The following FAM9B variants were observed in gnomAD, a reference collection of about 807,000 sequenced individuals.
The protein encoded by FAM9B is family with sequence similarity 9 member B.
In FAM9B, 18 loss-of-function variants were observed where a neutral mutation model predicts 16.6. The ratio of observed to expected loss-of-function variants is 1.09; its 90% confidence interval spans 0.75 to 1.61. The LOEUF is 1.61. FAM9B is among the 40% of genes most tolerant of loss of function. The pLI is 0.00. For missense variants in FAM9B, 155 were observed against 136.0 expected (o/e 1.14, Z -0.70); for synonymous variants, 43 against 42.6 (o/e 1.01, Z -0.03).
chrX:9,028,062 T>G lies in FAM9B; in HGVS notation c.394-96A>C. On this transcript the variant is annotated intron_variant, in intron 6 of 8. Transcript: ENST00000327220. ...TAGCTTTAAAGGAATACTGTTTAAATCAATACCTCTGAACACTTTCTTTTA... is the reference window on the plus strand; with the variant it reads ...TAGCTTTAAAGGAATACTGTTTAAAGCAATACCTCTGAACACTTTCTTTTA... The G allele has an allele frequency of 6.9e-6, 4 of 581,894 alleles. No homozygotes were observed. In the South Asian group the frequency reaches 1.1e-4, roughly 16 times the overall value. The allele number at this position is 581,894 out of a possible 1,213,427, so 48.0% of individuals were successfully genotyped here.
At position 9,032,473 on chromosome X, in the gene FAM9B, T is replaced by A. The variant is rs371784822; in HGVS notation, c.29-12A>T. The stretch of plus-strand genomic sequence containing the variant: ...GACTGGATCCTTTCCTGCATTAAAA[T>A]GTAAAAGACAAACCTTTTTTAGAGG... On this transcript the variant is annotated splice_polypyrimidine_tract_variant and intron_variant, in intron 2 of 8. Coordinates refer to ENST00000327220, the MANE Select transcript of FAM9B (RefSeq NM_205849.3). 1.2e-5 allele frequency: 14 copies of A among 1,149,950 alleles called. No homozygotes were observed. The highest frequency in any genetic ancestry group is 2.4e-4 in the Middle Eastern group (1 of 4,100). The allele number at this position is 1,149,950 out of a possible 1,213,427, so 94.8% of individuals were successfully genotyped here. A position where few individuals can be genotyped will look rare whatever the true frequency, so the allele number is the denominator to read the frequency against.
chrX:9,029,297 T>G lies in FAM9B; in HGVS notation c.393+10A>C. On this transcript the variant is annotated intron_variant, in intron 6 of 8. Transcript: ENST00000327220. ...AACAGGTTATACATAAAGCTAAGCA[T>G]GATACCAACAATTAGTTCTTCCTCT... 6.1e-6 allele frequency: 7 copies of G among 1,150,178 alleles called. No individual in the cohort carries two copies. Among genetic ancestry groups the G allele is most frequent in the Non-Finnish European group, 8.3e-6 (7 of 841,159 alleles). The allele number at this position is 1,150,178 out of a possible 1,213,427, so 94.8% of individuals were successfully genotyped here.
chrX:9,025,681 T>A, intron 7 of FAM9B, 98 bp from the exon 8 acceptor site: 2 of 607,621 alleles, frequency 3.3e-6, no homozygotes, highest in Non-Finnish European at 5.2e-6. Flanking sequence ...CTTTTAATAT[T>A]CAAAGGATGC....
chrX:9,024,332 G>A lies in FAM9B; in HGVS notation c.*1077C>T, dbSNP rs961842864. 9.0e-6 allele frequency: 1 copy of A among 111,678 alleles called. No individual in the cohort carries two copies. The highest frequency in any genetic ancestry group is 1.9e-5 in the Non-Finnish European group (1 of 53,180). 9.2% of individuals were successfully genotyped at this position (111,678 alleles called of 1,213,427 possible). A position where few individuals can be genotyped will look rare whatever the true frequency, so the allele number is the denominator to read the frequency against. On this transcript the variant is annotated 3_prime_UTR_variant, in exon 9 of 9. Coordinates refer to ENST00000327220, the MANE Select transcript of FAM9B (RefSeq NM_205849.3). Reference sequence around the variant, plus strand: ...CTACAAAATTTACCTTGCCACAGATGTGAAATAATTGTAAGCATACATAAA... The same window carrying A: ...CTACAAAATTTACCTTGCCACAGATATGAAATAATTGTAAGCATACATAAA...
intron 1 of FAM9B, 171 bp downstream of exon 1, chrX:9,033,681 G>GGCCCCCCCCC: frequency 6.8e-6 from 1 of 147,911 alleles, no homozygotes; most frequent in Non-Finnish European, 1.1e-5. Flanking sequence ...CCCTGCCCTG[G>GGCCCCCCCCC]CCCACCCCAG....
At chrX:9,030,214 A>G (rs371012304) in intron 5 of FAM9B, 47 bp downstream of exon 5, 2 of 1,168,373 alleles carry the variant, frequency 1.7e-6, no homozygotes, top group Non-Finnish European at 2.3e-6. Context: ...CAACTAATAC[A>G]AAGAAATGAT....
chrX:9,025,518 G>A lies in FAM9B; in HGVS notation c.558C>T (p.Asn186=). 8.3e-7 allele frequency: 1 copy of A among 1,199,657 alleles called. No homozygotes were observed. The highest frequency in any genetic ancestry group is 1.7e-5 in the African/African-American group (1 of 57,530). ...ATGATTTTATTTAAAAACATGTCTA[G>A]TTATCAAGTTCACTGTCTTCATCGG... The part of the protein sequence containing the change: ...VFSDEDSELD[N] The change falls in exon 8 of 9, where the codon AAC becomes AAT. Residue 186 remains asparagine, a synonymous_variant. Coordinates refer to ENST00000327220, the MANE Select transcript of FAM9B (RefSeq NM_205849.3).
chrX:9,033,133 G>A, intron 1 of FAM9B, 58 bp from the exon 2 acceptor site: 1 of 1,176,738 alleles, frequency 8.5e-7, no homozygotes, highest in South Asian at 1.9e-5. Flanking sequence ...GGAAAGGAAA[G>A]CCATTGGGAT....
At chrX:9,026,193 A>G (rs747014737) in intron 7 of FAM9B, among the ~76,000 whole-genome samples, 1 of 112,362 alleles carries the variant, frequency 8.9e-6, no homozygotes, top group South Asian at 3.7e-4. Flanking sequence ...AACTTGTGTA[A>G]CTGCTATGGA....
At position 9,027,921 on chromosome X, in the gene FAM9B, C is replaced by A; in HGVS notation, c.439G>T (p.Val147Phe). 8.3e-7 allele frequency: 1 copy of A among 1,210,761 alleles called. No individual in the cohort carries two copies. Among genetic ancestry groups the A allele is most frequent in the African/African-American group, 1.7e-5 (1 of 57,800 alleles). ...ATCTCTTTCAGCCTCTCTCTCCTAA[C>A]ACTTCTATATTGTTGCCACTTCTTC... ...QQKKWQQYRSVRRERLKEMKL... is the reference protein window; with the variant it reads ...QQKKWQQYRSFRRERLKEMKL... Residue 147 changes from valine to phenylalanine, a missense_variant, in exon 7 of 9, where the codon GTT becomes TTT. Val to Phe is a conservative substitution (Grantham distance 50). Coordinates refer to ENST00000327220, the MANE Select transcript of FAM9B (RefSeq NM_205849.3).
rs186660451 is a variant in FAM9B at position 9,030,260 on chromosome X, C to T, written c.281+1G>A. 2.8e-5 allele frequency: 33 copies of T among 1,192,019 alleles called. No homozygotes were observed. In the Admixed American group the frequency reaches 5.8e-4, roughly 21 times the overall value. On this transcript the variant is annotated splice_donor_variant, in intron 5 of 8. Coordinates refer to ENST00000327220, the MANE Select transcript of FAM9B (RefSeq NM_205849.3). LOFTEE classifies it high-confidence loss of function. ...TTATGCAAAAAAGCCAACAGTCATA[C>T]CTTTTAAGTTGCTTTTTTCTCAAAG...
intron 2 of FAM9B, 96 bp from the exon 3 acceptor site, chrX:9,032,557 G>GT: frequency 3.4e-6 from 2 of 594,002 alleles, no homozygotes; most frequent in South Asian, 2.8e-5. Flanking sequence ...CTTTTTTGGG[G>GT]GGGGGGGGCT....
chrX:9,032,210 C>G (rs1410596534), intron 3 of FAM9B, 49 bp from the exon 4 acceptor site: 1 of 1,192,617 alleles, frequency 8.4e-7, no homozygotes, highest in East Asian at 3.0e-5. Context: ...ACACAAAATG[C>G]CATGTTTGTT....
intron 4 of FAM9B, 119 bp downstream of exon 4, chrX:9,032,011 T>C (rs1302709568): frequency 1.8e-6 from 1 of 569,312 alleles, no homozygotes; most frequent in African/African-American, 2.3e-5. Flanking sequence ...GTACGTTAAA[T>C]GCTACATATG....
chrX:9,029,476 T>G, intron 5 of FAM9B, 58 bp from the exon 6 acceptor site: 2 of 784,582 alleles, frequency 2.5e-6, no homozygotes, highest in East Asian at 6.5e-5. Flanking sequence ...AAATTAATCC[T>G]ATTCAAACCC....
chrX:9,028,250 C>A (rs893423637), intron 6 of FAM9B, among the ~76,000 whole-genome samples: 4 of 111,901 alleles, frequency 3.6e-5, no homozygotes, highest in Non-Finnish European at 7.5e-5. Flanking sequence ...ATTTGATGAA[C>A]CTTCCTATAA....
intron 4 of FAM9B, 129 bp downstream of exon 4, chrX:9,032,001 G>A (rs748000784): frequency 6.0e-6 from 3 of 504,017 alleles, no homozygotes; most frequent in African/African-American, 4.8e-5. Context: ...CATTAAATAC[G>A]TACGTTAAAT....
chrX:9,025,701 A>G, intron 7 of FAM9B, 118 bp from the exon 8 acceptor site: 1 of 526,817 alleles, frequency 1.9e-6, no homozygotes, highest in East Asian at 3.6e-5. Context: ...CCAGTTATTC[A>G]TTTCAAATAG....
Position 9,025,477 on chromosome X carries a change from T to C in FAM9B, c.*31+7A>G. On this transcript the variant is annotated splice_region_variant and intron_variant, in intron 8 of 8. Coordinates refer to ENST00000327220, the MANE Select transcript of FAM9B (RefSeq NM_205849.3). The stretch of plus-strand genomic sequence containing the variant: ...TGAGTTTTTAATATTAAATATGCAC[T>C]ACTTACAGTTCTGACATGATTTTAT... 1.0e-5 allele frequency: 11 copies of C among 1,052,462 alleles called. No individual in the cohort carries two copies. Among genetic ancestry groups the C allele is most frequent in the Non-Finnish European group, 1.3e-5 (10 of 763,633 alleles). The allele number at this position is 1,052,462 out of a possible 1,213,427, so 86.7% of individuals were successfully genotyped here.
Sources: allele counts gnomAD v4.1 joint callset (sites outside exome capture counted in the v4.1 genomes callset), GRCh38; gene constraint gnomAD v4.1.1; transcripts MANE v1.5; gene names NCBI Gene and HGNC (gene_info 2026-07-23, HGNC 2026-07-21).